The following NXPH1 variants were observed in gnomAD, a reference collection of about 807,000 sequenced individuals.
NXPH1 encodes neurexophilin-1.
A neutral mutation model predicts 23.7 loss-of-function variants in NXPH1; 5 were observed. That is an observed-to-expected ratio of 0.21 (90% CI 0.11 to 0.44). The LOEUF (loss-of-function observed/expected upper bound fraction) is 0.44, where lower values mean the gene tolerates loss of function less well. Ranked by LOEUF, NXPH1 falls within the 20% of genes least tolerant of loss-of-function variation. The probability of loss-of-function intolerance (pLI) is 0.99; values close to 1 mark genes in which losing one functional copy is unlikely to be tolerated. For missense variants in NXPH1, 324 were observed against 321.6 expected, an observed-to-expected ratio of 1.01 and a Z score of -0.06; for synonymous variants, 144 against 122.2, an observed-to-expected ratio of 1.18 and a Z score of -1.18.
intron 2 of NXPH1, among the ~76,000 whole-genome samples, chr7:8,573,408 G>A (rs74582032): frequency 0.028 from 4,269 of 152,090 alleles, 102 homozygotes; most frequent in Non-Finnish European, 0.039. Flanking sequence ...ACATACTACC[G>A]AACTACTTTA....
intron 2 of NXPH1, among the ~76,000 whole-genome samples, chr7:8,456,463 G>C (rs1462440369): frequency 2.0e-5 from 3 of 152,144 alleles, no homozygotes; most frequent in Non-Finnish European, 4.4e-5. Flanking sequence ...TGGTCCAAGT[G>C]GCTCTGTGTG....
chr7:8,706,858 G>A (rs570090823), intron 2 of NXPH1, among the ~76,000 whole-genome samples: 1 of 152,256 alleles, frequency 6.6e-6, no homozygotes, highest in Admixed American at 6.5e-5. Flanking sequence ...GTATTAGACA[G>A]ATTTGTTTTC....
At chr7:8,682,674 TACCCACCA>T (rs1354705728) in intron 2 of NXPH1, among the ~76,000 whole-genome samples, 1 of 152,168 alleles carries the variant, frequency 6.6e-6, no homozygotes, top group Non-Finnish European at 1.5e-5. Context: ...TGGAAATGAG[TACCCACCA>T]ACTAGACTTT....
intron 2 of NXPH1, among the ~76,000 whole-genome samples, chr7:8,543,843 T>G (rs1818155381): frequency 6.6e-6 from 1 of 151,670 alleles, no homozygotes; most frequent in Non-Finnish European, 1.5e-5. Flanking sequence ...TACCAGGTGT[T>G]TTAATTTTTA....
At chr7:8,520,403 A>G (rs1291489189) in intron 2 of NXPH1, among the ~76,000 whole-genome samples, 1 of 152,194 alleles carries the variant, frequency 6.6e-6, no homozygotes, top group African/African-American at 2.4e-5. Flanking sequence ...GCAGGAGGAG[A>G]AGCCAGACGG....
chr7:8,732,603 T>C (rs1403164829), intron 2 of NXPH1, among the ~76,000 whole-genome samples: 2 of 152,238 alleles, frequency 1.3e-5, no homozygotes, highest in Non-Finnish European at 2.9e-5. Context: ...CTGAAGTGTC[T>C]GTTTTAGCAA....
intron 2 of NXPH1, among the ~76,000 whole-genome samples, chr7:8,483,782 C>G (rs1817112766): frequency 6.6e-6 from 1 of 152,160 alleles, no homozygotes; most frequent in Non-Finnish European, 1.5e-5. Context: ...TTGAAAACCA[C>G]TAGACCAGAT....
intron 2 of NXPH1, among the ~76,000 whole-genome samples, chr7:8,538,919 C>G (rs1023362413): frequency 1.3e-5 from 2 of 151,840 alleles, no homozygotes; most frequent in African/African-American, 4.8e-5. Flanking sequence ...GCAGACTATC[C>G]AATGTGTTTT....
chr7:8,621,037 G>C (rs180785105), intron 2 of NXPH1, among the ~76,000 whole-genome samples: 64 of 152,268 alleles, frequency 4.2e-4, no homozygotes, highest in Non-Finnish European at 7.2e-4. Context: ...ACTGAGGTAG[G>C]CTGGGGAAGA....
At chr7:8,515,206 G>T (rs1328085159) in intron 2 of NXPH1, among the ~76,000 whole-genome samples, 1 of 152,068 alleles carries the variant, frequency 6.6e-6, no homozygotes, top group Non-Finnish European at 1.5e-5. Context: ...TGTAAGTGAG[G>T]CAAGAAGTCT....
At chr7:8,716,386 G>A (rs980085953) in intron 2 of NXPH1, among the ~76,000 whole-genome samples, 1 of 152,104 alleles carries the variant, frequency 6.6e-6, no homozygotes, top group African/African-American at 2.4e-5. Context: ...ATGGGATTAG[G>A]ATTAATCGAG....
At chr7:8,598,148 T>C (rs1260893783) in intron 2 of NXPH1, among the ~76,000 whole-genome samples, 1 of 152,178 alleles carries the variant, frequency 6.6e-6, no homozygotes, top group East Asian at 1.9e-4. Context: ...TTTATTGCTA[T>C]TCATATTGAG....
intron 2 of NXPH1, among the ~76,000 whole-genome samples, chr7:8,512,596 G>A (rs548614149): frequency 6.6e-6 from 1 of 152,208 alleles, no homozygotes; most frequent in South Asian, 2.1e-4. Context: ...TTAAAAACTA[G>A]AGGCTAAAAT....
chr7:8,488,485 T>A (rs962794488), intron 2 of NXPH1, among the ~76,000 whole-genome samples: 2 of 152,152 alleles, frequency 1.3e-5, no homozygotes, highest in African/African-American at 2.4e-5. Context: ...GAAATCAAAA[T>A]GACTGAAACC....
At chr7:8,449,640 C>G (rs1816470548) in intron 2 of NXPH1, among the ~76,000 whole-genome samples, 1 of 152,154 alleles carries the variant, frequency 6.6e-6, no homozygotes, top group African/African-American at 2.4e-5. Flanking sequence ...TGGCAAGATT[C>G]TATCTCAGGC....
At chr7:8,737,468 C>T (rs1780280826) in intron 2 of NXPH1, among the ~76,000 whole-genome samples, 1 of 152,208 alleles carries the variant, frequency 6.6e-6, no homozygotes, top group African/African-American at 2.4e-5. Context: ...CCCCCAGTCT[C>T]TTGTGGCTTG....
intron 2 of NXPH1, among the ~76,000 whole-genome samples, chr7:8,746,551 G>A (rs1434835302): frequency 6.6e-5 from 10 of 152,216 alleles, no homozygotes; most frequent in Non-Finnish European, 8.8e-5. Context: ...TATTTAGGCA[G>A]TCACAGCAGC....
chr7:8,545,305 C>A (rs1201804092), intron 2 of NXPH1, among the ~76,000 whole-genome samples: 1 of 151,356 alleles, frequency 6.6e-6, no homozygotes, highest in Non-Finnish European at 1.5e-5. Context: ...CAGTGTTGGG[C>A]CAGTTGATCT....
chr7:8,567,508 C>G (rs1447714059), intron 2 of NXPH1, among the ~76,000 whole-genome samples: 1 of 151,872 alleles, frequency 6.6e-6, no homozygotes, highest in African/African-American at 2.4e-5. Context: ...CAGACATACA[C>G]CTTGTTTCAT....
Sources: gnomAD v4.1 joint callset for allele counts (sites outside exome capture counted in the v4.1 genomes callset) on GRCh38, gnomAD v4.1.1 for gene constraint, MANE v1.5 for transcripts, NCBI Gene and HGNC (gene_info 2026-07-23, HGNC 2026-07-21) for gene names.